Variants in RPS6KC1 observed in about 807,000 individuals in gnomAD.
RPS6KC1 encodes the protein ribosomal protein S6 kinase C1.
RPS6KC1 carries 54 observed loss-of-function variants against 103.8 expected under a neutral mutation model. The observed-to-expected ratio is 0.52, with a 90% CI of 0.42 to 0.65. RPS6KC1 has a LOEUF of 0.65. RPS6KC1 is among the 30% of genes least tolerant of loss of function. The pLI is 0.00. For missense variants in RPS6KC1, 1,151 were observed against 1,253.8 expected (o/e 0.92, Z 1.24); for synonymous variants, 439 against 438.7 (o/e 1.00, Z -0.01).
chr1:213,666,247 T>G, the RPS6KC1 span, among the ~76,000 whole-genome samples: 1 of 152,182 alleles, frequency 6.6e-6, no homozygotes, highest in Admixed American at 6.5e-5. Flanking sequence ...GTAAATATTT[T>G]ATTCCCATTT....
At chr1:213,342,627 T>C in the RPS6KC1 span, among the ~76,000 whole-genome samples, 1 of 152,154 alleles carries the variant, frequency 6.6e-6, no homozygotes, top group Admixed American at 6.6e-5. Flanking sequence ...ATACAGTTAC[T>C]GTTTGCAGCC....
the RPS6KC1 span, among the ~76,000 whole-genome samples, chr1:213,770,153 T>C: frequency 6.6e-6 from 1 of 152,148 alleles, no homozygotes; most frequent in Non-Finnish European, 1.5e-5. Context: ...TCTGGCCATT[T>C]CCCCTCATTT....
chr1:213,377,542 T>A, the RPS6KC1 span, among the ~76,000 whole-genome samples: 1 of 152,358 alleles, frequency 6.6e-6, no homozygotes, highest in East Asian at 1.9e-4. Context: ...TATTAGATAT[T>A]CCAGTTCCTT....
the RPS6KC1 span, among the ~76,000 whole-genome samples, chr1:213,307,212 C>T: frequency 2.0e-4 from 30 of 151,964 alleles, no homozygotes; most frequent in African/African-American, 6.3e-4. Context: ...TACAGGTGCC[C>T]GCCACCAAGC....
At chr1:213,602,006 C>G in the RPS6KC1 span, among the ~76,000 whole-genome samples, 1 of 34,530 alleles carries the variant, frequency 2.9e-5, no homozygotes, top group Non-Finnish European at 5.9e-5. Flanking sequence ...CTTTTCTTTT[C>G]TTTTCTTTTC....
the RPS6KC1 span, among the ~76,000 whole-genome samples, chr1:213,846,372 C>G: frequency 6.6e-6 from 1 of 152,224 alleles, no homozygotes; most frequent in East Asian, 1.9e-4. Flanking sequence ...GAACTCCATA[C>G]CCAATGCGCT....
the RPS6KC1 span, among the ~76,000 whole-genome samples, chr1:213,677,895 A>G: frequency 6.6e-6 from 1 of 151,992 alleles, no homozygotes; most frequent in Admixed American, 6.6e-5. Context: ...AATCCCAGCT[A>G]CTCGGGAGGC....
the RPS6KC1 span, among the ~76,000 whole-genome samples, chr1:213,846,896 G>T: frequency 6.6e-6 from 1 of 152,044 alleles, no homozygotes; most frequent in Admixed American, 6.6e-5. Flanking sequence ...TAGGAGTCCA[G>T]GGATCTAAGC....
At chr1:213,416,111 C>T in the RPS6KC1 span, among the ~76,000 whole-genome samples, 10 of 152,146 alleles carry the variant, frequency 6.6e-5, no homozygotes, top group African/African-American at 4.8e-5. Context: ...GTGAAAGTGC[C>T]GGGGGATCTC....
At chr1:213,387,730 A>G in the RPS6KC1 span, among the ~76,000 whole-genome samples, 1 of 152,260 alleles carries the variant, frequency 6.6e-6, no homozygotes, top group Non-Finnish European at 1.5e-5. Flanking sequence ...AATTAGGAAG[A>G]CAATGACATA....
the RPS6KC1 span, among the ~76,000 whole-genome samples, chr1:213,606,710 G>T: frequency 6.6e-6 from 1 of 152,178 alleles, no homozygotes; most frequent in African/African-American, 2.4e-5. Context: ...AAGGGAGTTC[G>T]TGTGAGATGC....
chr1:213,717,266 G>A, the RPS6KC1 span, among the ~76,000 whole-genome samples: 1 of 152,234 alleles, frequency 6.6e-6, no homozygotes, highest in Non-Finnish European at 1.5e-5. Context: ...ACCACATGGT[G>A]TGCACTGCAG....
At chr1:213,692,769 A>T in the RPS6KC1 span, among the ~76,000 whole-genome samples, 51 of 152,294 alleles carry the variant, frequency 3.3e-4, 1 homozygote, top group South Asian at 8.7e-3. Context: ...TCCTCCTGAG[A>T]CCTTATCAGG....
the RPS6KC1 span, among the ~76,000 whole-genome samples, chr1:213,331,599 C>A: frequency 1.3e-5 from 2 of 152,228 alleles, no homozygotes; most frequent in Non-Finnish European, 2.9e-5. Flanking sequence ...GCGTCCTGTG[C>A]ACTGCTTGTC....
At chr1:213,415,336 A>G in the RPS6KC1 span, among the ~76,000 whole-genome samples, 1 of 152,252 alleles carries the variant, frequency 6.6e-6, no homozygotes, top group Non-Finnish European at 1.5e-5. Flanking sequence ...GGAAAGCTCC[A>G]TAATAGCTCT....
the RPS6KC1 span, among the ~76,000 whole-genome samples, chr1:213,287,472 C>T: frequency 6.6e-6 from 1 of 152,286 alleles, no homozygotes; most frequent in Admixed American, 6.5e-5. Context: ...GCAAGTGCCT[C>T]TTTGATGGTG....
At chr1:213,627,850 T>G in the RPS6KC1 span, among the ~76,000 whole-genome samples, 1 of 152,248 alleles carries the variant, frequency 6.6e-6, no homozygotes, top group South Asian at 2.1e-4. Context: ...GATTTTGGAA[T>G]CGATGTTCAT....
chr1:213,390,074 T>C, the RPS6KC1 span, among the ~76,000 whole-genome samples: 2 of 152,358 alleles, frequency 1.3e-5, no homozygotes, highest in Non-Finnish European at 2.9e-5. Context: ...AGATAAACGA[T>C]CTTATTTGTT....
the RPS6KC1 span, among the ~76,000 whole-genome samples, chr1:213,340,132 C>T: frequency 3.9e-5 from 6 of 152,120 alleles, no homozygotes; most frequent in Non-Finnish European, 7.3e-5. Flanking sequence ...CCGTCTGCCT[C>T]GGCCTCCCAA....
Sources: allele counts gnomAD v4.1 joint callset (sites outside exome capture counted in the v4.1 genomes callset), GRCh38; gene constraint gnomAD v4.1.1; transcripts MANE v1.5; gene names NCBI Gene and HGNC (gene_info 2026-07-23, HGNC 2026-07-21).